PARVB: variants seen among roughly 807,000 people sequenced by gnomAD.
PARVB encodes the protein parvin beta.
Under a neutral mutation model 47.0 loss-of-function variants are expected in PARVB, and 46 were observed. That is an observed-to-expected ratio of 0.98 (90% confidence interval 0.77 to 1.25). The LOEUF (loss-of-function observed/expected upper bound fraction) is 1.25. PARVB is among the 50% of genes most tolerant of loss of function. The pLI is 0.00. For missense variants in PARVB, 473 were observed against 471.6 expected (o/e 1.00, Z -0.03); for synonymous variants, 196 against 196.3 (o/e 1.00, Z 0.01).
At chr22:44,091,297 C>G (rs778117267) in intron 1 of PARVB, among the ~76,000 whole-genome samples, 282 of 73,712 alleles carry the variant, frequency 3.8e-3, no homozygotes, top group Non-Finnish European at 4.8e-3. Context: ...TTTTTTTTTG[C>G]TATTTAAAAA....
intron 2 of PARVB, among the ~76,000 whole-genome samples, chr22:44,014,473 C>G (rs1181234728): frequency 6.6e-6 from 1 of 152,226 alleles, no homozygotes; most frequent in South Asian, 2.1e-4. Flanking sequence ...AGCCCTGGCA[C>G]GAGGCATATG....
chr22:44,117,137 C>T (rs144522243), intron 3 of PARVB, among the ~76,000 whole-genome samples: 116 of 152,262 alleles, frequency 7.6e-4, no homozygotes, highest in African/African-American at 2.6e-3. Context: ...CCCCACCCCG[C>T]CCCGTGGCAG....
Position 44,158,035 on chromosome 22 carries a change from TG to T in PARVB, c.898del (p.Val300PhefsTer8), listed in dbSNP as rs753254613. 7.4e-6 allele frequency: 12 copies of T among 1,614,036 alleles called. No individual in the cohort carries two copies. The East Asian group carries it at 2.5e-4, about 33-fold the overall frequency. On this transcript the variant is annotated frameshift_variant, in exon 11 of 13. Coordinates refer to ENST00000338758, the MANE Select transcript of PARVB (RefSeq NM_013327.5). LOFTEE classifies it high-confidence loss of function. ...TCATGGGCCTTCTGGAAGACTACTT[TG>T]TTCCTCTCCACCACTTCTACCTGAC... ...LLMGLLEDYF[V>X]PLHHFYLTPE... is the part of the protein sequence containing the mutation.
intron 4 of PARVB, among the ~76,000 whole-genome samples, chr22:44,131,154 T>G (rs980444498): frequency 6.8e-6 from 1 of 147,976 alleles, no homozygotes; most frequent in East Asian, 2.0e-4. Flanking sequence ...TCTCTCTCTC[T>G]TTCTGAGGCA....
At chr22:44,102,304 C>T (rs1470379325) in intron 3 of PARVB, among the ~76,000 whole-genome samples, 2 of 152,220 alleles carry the variant, frequency 1.3e-5, no homozygotes, top group South Asian at 2.1e-4. Context: ...TTCAAATGCT[C>T]ATCTCCTCTG....
chr22:44,131,711 T>C, intron 5 of PARVB, 84 bp downstream of exon 5: 1 of 1,421,320 alleles, frequency 7.0e-7, no homozygotes, highest in Non-Finnish European at 9.5e-7. Context: ...TCATCCACAT[T>C]CATCATCATC....
At chr22:44,018,167 T>C (rs932200212) in intron 2 of PARVB, among the ~76,000 whole-genome samples, 3 of 152,102 alleles carry the variant, frequency 2.0e-5, no homozygotes, top group African/African-American at 4.8e-5. Context: ...TTTGGGAGGC[T>C]GAGGCGGGTG....
intron 1 of PARVB, among the ~76,000 whole-genome samples, chr22:44,046,962 TG>T (rs2051123550): frequency 6.6e-6 from 1 of 151,560 alleles, no homozygotes; most frequent in Non-Finnish European, 1.5e-5. Flanking sequence ...TGGGTCGGTG[TG>T]CGGGGGGTGG....
rs545136875 is a variant in PARVB at position 44,089,419 on chromosome 22, T to TGCCTGTGCCAGCGC, written c.113-4496_113-4483dup. 6.6e-6 allele frequency: 1 copy of TGCCTGTGCCAGCGC among 152,342 alleles called. No individual in the cohort carries two copies. Among genetic ancestry groups the TGCCTGTGCCAGCGC allele is most frequent in the African/African-American group, 2.4e-5 (1 of 41,456 alleles). 9.4% of individuals were successfully genotyped at this position (152,342 alleles called of 1,614,324 possible). On this transcript the variant is annotated intron_variant, in intron 1 of 12. Transcript: ENST00000338758. The surrounding 1 kb of genome is among the most constrained non-coding windows in gnomAD (Gnocchi z 4.0). The stretch of plus-strand genomic sequence containing the variant: ...GACACTGAGAGAATGCATGCCAGCA[T>TGCCTGTGCCAGCGC]GCCTGTGCCAGCGCGCCTGTGCCAG...
chr22:44,139,202 T>C (rs2053500836), intron 7 of PARVB: 1 of 151,838 alleles, frequency 6.6e-6, no homozygotes, highest in South Asian at 2.1e-4. Flanking sequence ...TGTGTGTGTT[T>C]GTTTGTTTAT....
intron 1 of PARVB, among the ~76,000 whole-genome samples, chr22:44,092,890 A>C (rs1209746614): frequency 6.6e-6 from 1 of 152,184 alleles, no homozygotes; most frequent in African/African-American, 2.4e-5. Flanking sequence ...GTTCAAGGTG[A>C]TTCTGGTGTT....
chr22:44,128,017 A>G (rs2053226738), intron 4 of PARVB, among the ~76,000 whole-genome samples: 1 of 152,190 alleles, frequency 6.6e-6, no homozygotes, highest in Non-Finnish European at 1.5e-5. Context: ...AACTGGGCTC[A>G]AACGATCCTC....
intron 3 of PARVB, chr22:44,104,487 A>G (rs1367022203): frequency 2.6e-5 from 4 of 152,662 alleles, no homozygotes; most frequent in Admixed American, 1.3e-4. Flanking sequence ...TGAGTTGGCT[A>G]TACTGAGCTT....
rs1456516759 is a variant in PARVB, at chr22:44,089,887, A to G, written c.113-4041A>G. On this transcript the variant is annotated intron_variant, in intron 1 of 12. Transcript: ENST00000338758. The surrounding 1 kb of genome is among the most constrained non-coding windows in gnomAD (Gnocchi z 4.0). The stretch of plus-strand genomic sequence containing the variant: ...CGAAGGCCCTTTCCTTAGCCTGGCC[A>G]TATTTCAAGGCCAGTTCAATTGCTG... Among the ~76,000 whole-genome samples the G allele has an allele frequency of 2.6e-5, 4 of 152,112 alleles. No homozygotes were observed. The highest frequency in any genetic ancestry group is 9.7e-5 in the African/African-American group (4 of 41,416).
intron 1 of PARVB, among the ~76,000 whole-genome samples, chr22:44,030,564 T>G (rs2050807654): frequency 1.3e-5 from 2 of 148,304 alleles, no homozygotes; most frequent in African/African-American, 5.0e-5. Flanking sequence ...CTTTGGGGAG[T>G]GGGGAATGGA....
At chr22:44,094,968 G>T (rs547433041) in intron 2 of PARVB, among the ~76,000 whole-genome samples, 1 of 151,498 alleles carries the variant, frequency 6.6e-6, no homozygotes, top group Non-Finnish European at 1.5e-5. Context: ...ATGGTGTGGC[G>T]TGGCGTGGCA....
At chr22:44,009,806 ATCTT>A (rs1355867760) in intron 2 of PARVB, among the ~76,000 whole-genome samples, 1 of 146,420 alleles carries the variant, frequency 6.8e-6, no homozygotes, top group African/African-American at 2.6e-5. Context: ...GTGCATATGA[ATCTT>A]TTTTTTTTTT....
At chr22:44,013,654 A>G (rs972045396) in intron 2 of PARVB, among the ~76,000 whole-genome samples, 12 of 151,750 alleles carry the variant, frequency 7.9e-5, no homozygotes, top group African/African-American at 2.7e-4. Context: ...TTTTTTCTGG[A>G]TGGAGTCTCA....
chr22:44,010,542 T>C (rs1024025336), intron 2 of PARVB: 3 of 152,246 alleles, frequency 2.0e-5, no homozygotes, highest in African/African-American at 7.2e-5. Flanking sequence ...TGACGCACTT[T>C]TGGAAGTACT....
Sources: allele counts gnomAD v4.1 joint callset (sites outside exome capture counted in the v4.1 genomes callset), GRCh38; gene constraint gnomAD v4.1.1; non-coding constraint Gnocchi (gnomAD v3.1); transcripts MANE v1.5; gene names NCBI Gene and HGNC (gene_info 2026-07-23, HGNC 2026-07-21).